The following CSMD3 variants were observed in gnomAD, a reference collection of about 807,000 sequenced individuals.
The protein encoded by CSMD3 is CUB and Sushi multiple domains 3.
A neutral mutation model predicts 435.2 loss-of-function variants in CSMD3; 177 were observed. The ratio of observed to expected loss-of-function variants is 0.41; its 90% CI spans 0.36 to 0.46. The LOEUF (loss-of-function observed/expected upper bound fraction) is 0.46. CSMD3 is among the 20% of genes least tolerant of loss of function. The pLI, the probability that CSMD3 is intolerant of heterozygous loss-of-function variation, is 0.34. For synonymous variants in CSMD3, 1,656 were observed against 1,520.5 expected (o/e 1.09, Z -2.07); for missense variants, 4,265 against 4,504.6 (o/e 0.95, Z 1.52).
At chr8:113,264,866 G>A (rs561891220) in intron 3 of CSMD3, among the ~76,000 whole-genome samples, 1 of 151,686 alleles carries the variant, frequency 6.6e-6, no homozygotes, top group Non-Finnish European at 1.5e-5. Flanking sequence ...TAACGTAGGA[G>A]ATGTATTAAA....
chr8:112,969,126 A>C (rs2084540049), intron 7 of CSMD3, among the ~76,000 whole-genome samples: 1 of 152,010 alleles, frequency 6.6e-6, no homozygotes, highest in Non-Finnish European at 1.5e-5. Flanking sequence ...TTCTTGAATC[A>C]AATTTGTGAC....
At chr8:112,628,386 C>CTTGGTTGGTTGG (rs143078179) in intron 22 of CSMD3, among the ~76,000 whole-genome samples, 2 of 150,450 alleles carry the variant, frequency 1.3e-5, no homozygotes, top group South Asian at 4.2e-4. Flanking sequence ...ATCTTAATTA[C>CTTGGTTGGTTGG]TTGGTTGGTT....
At chr8:113,066,170 G>A (rs748695735) in intron 5 of CSMD3, among the ~76,000 whole-genome samples, 9 of 150,212 alleles carry the variant, frequency 6.0e-5, no homozygotes, top group African/African-American at 1.5e-4. Context: ...ACAAAAAAGC[G>A]AGACAAATTG....
At chr8:113,372,864 G>A (rs2094355172) in intron 1 of CSMD3, among the ~76,000 whole-genome samples, 1 of 151,582 alleles carries the variant, frequency 6.6e-6, no homozygotes, top group African/African-American at 2.4e-5. Flanking sequence ...AACCCGGGAA[G>A]CGGAGCTTGC....
chr8:113,156,601 G>A (rs1194958150), intron 4 of CSMD3, among the ~76,000 whole-genome samples: 1 of 151,634 alleles, frequency 6.6e-6, no homozygotes, highest in Non-Finnish European at 1.5e-5. Flanking sequence ...TATTCTGAAG[G>A]ATGTTAGAGA....
intron 15 of CSMD3, among the ~76,000 whole-genome samples, chr8:112,684,301 T>C (rs1334416243): frequency 2.0e-5 from 3 of 152,052 alleles, no homozygotes; most frequent in African/African-American, 4.8e-5. Flanking sequence ...TTTAATAATA[T>C]GCAATTACAT....
chr8:112,740,520 AAAC>A, intron 13 of CSMD3, among the ~76,000 whole-genome samples: 1 of 151,984 alleles, frequency 6.6e-6, no homozygotes, highest in South Asian at 2.1e-4. Flanking sequence ...ATACACACCT[AAAC>A]AAAAACACTT....
At chr8:112,408,261 C>T in intron 34 of CSMD3, 57 bp downstream of exon 34, 1 of 990,178 alleles carries the variant, frequency 1.0e-6, no homozygotes, top group African/African-American at 4.1e-5. Flanking sequence ...ACTCTGAATA[C>T]ATCATGGGAA....
chr8:112,492,388 T>A (rs1480132853), intron 31 of CSMD3, 101 bp downstream of exon 31: 1 of 893,864 alleles, frequency 1.1e-6, no homozygotes, highest in African/African-American at 1.7e-5. Flanking sequence ...CACTTGTAGA[T>A]TGTATGTGGA....
chr8:113,258,285 G>C (rs1172200604), intron 3 of CSMD3, among the ~76,000 whole-genome samples: 1 of 152,186 alleles, frequency 6.6e-6, no homozygotes, highest in East Asian at 1.9e-4. Flanking sequence ...AGTAGAACGA[G>C]AGTATTTTCA....
intron 10 of CSMD3, among the ~76,000 whole-genome samples, chr8:112,882,773 T>C (rs2081483659): frequency 1.3e-5 from 2 of 152,026 alleles, no homozygotes; most frequent in South Asian, 4.1e-4. Context: ...AATCCATCCT[T>C]TATCTGCCAC....
At chr8:113,033,729 A>G (rs553582963) in intron 5 of CSMD3, among the ~76,000 whole-genome samples, 1 of 151,472 alleles carries the variant, frequency 6.6e-6, no homozygotes, top group Non-Finnish European at 1.5e-5. Flanking sequence ...GGAAGGCATT[A>G]TTGGTTTTGA....
chr8:112,506,372 T>C (rs185110389), intron 29 of CSMD3, among the ~76,000 whole-genome samples: 12 of 152,202 alleles, frequency 7.9e-5, no homozygotes, highest in Admixed American at 5.2e-4. Context: ...ATAATAAAGA[T>C]TGGGGACTTT....
rs2130916467 is a variant in CSMD3, at chr8:112,503,947, G to C, written c.4926C>G (p.Leu1642=). Residue 1642 remains leucine, a synonymous_variant, in exon 30 of 71, where the codon CTC becomes CTG. Coordinates refer to ENST00000297405, the MANE Select transcript of CSMD3 (RefSeq NM_198123.2). ...SFSIEPNYDF[L]YIYDGPDSNS... is the part of the protein sequence containing the mutation. ...TACTGTCTGGTCCATCATAGATATA[G>C]AGGAAGTCATAGTTTGGTTCTATGC... 6.2e-7 allele frequency: 1 copy of C among 1,608,886 alleles called. No individual in the cohort carries two copies. The highest frequency in any genetic ancestry group is 1.3e-5 in the African/African-American group (1 of 74,600).
chr8:112,302,143 G>A (rs1280780379), intron 52 of CSMD3, among the ~76,000 whole-genome samples, 177 bp from the exon 53 acceptor site: 1 of 151,678 alleles, frequency 6.6e-6, no homozygotes, highest in African/African-American at 2.4e-5. Context: ...ATGACATAAC[G>A]TAAAATGTAC....
intron 3 of CSMD3, among the ~76,000 whole-genome samples, chr8:113,206,216 T>G (rs778421019): frequency 6.6e-6 from 1 of 152,118 alleles, no homozygotes; most frequent in Non-Finnish European, 1.5e-5. Flanking sequence ...GATTTCTTTA[T>G]AGTTATGCAG....
intron 4 of CSMD3, among the ~76,000 whole-genome samples, chr8:113,117,756 C>A (rs1463581493): frequency 6.6e-6 from 1 of 152,198 alleles, no homozygotes; most frequent in African/African-American, 2.4e-5. Flanking sequence ...ATCAGCATGA[C>A]CTAGATGTGA....
rs1026445924 is a variant in CSMD3 at position 112,670,030 on chromosome 8, C to T, written c.2678-3615G>A. Among the ~76,000 whole-genome samples the T allele has an allele frequency of 2.4e-4, 37 of 152,150 alleles. 1 individual carries two copies. Among genetic ancestry groups the T allele is most frequent in the Admixed American group, 7.9e-4 (12 of 15,262 alleles). ...GCAAAAGACAGAAACATTAACAAAA[C>T]GTAAAAATGTCAAGTTCTATAACAA... On this transcript the variant is annotated intron_variant, in intron 16 of 70. Transcript: ENST00000297405.
Position 112,587,085 on chromosome 8 carries a change from G to A in CSMD3, c.3866C>T (p.Ala1289Val). 2 of 1,610,254 alleles carry A rather than the reference G, an allele frequency of 1.2e-6. No individual in the cohort carries two copies. The highest frequency in any genetic ancestry group is 8.5e-7 in the Non-Finnish European group (1 of 1,177,446). The change falls in exon 23 of 71, where the codon GCA becomes GTA. Residue 1289 changes from alanine (A) to valine (V), a missense_variant. Ala to Val is a moderately conservative substitution (Grantham distance 64, BLOSUM62 0). Coordinates refer to ENST00000297405, the MANE Select transcript of CSMD3 (RefSeq NM_198123.2). The part of the protein sequence containing the change: ...INISARTFHL[A>V]QGDVLKIYDG... ...ACCTACCTTAAGAACATCTCCTTGTGCTAAATGAAATGTTCTGGCTGAAAT... is the reference window on the plus strand; with the variant it reads ...ACCTACCTTAAGAACATCTCCTTGTACTAAATGAAATGTTCTGGCTGAAAT...
Sources: allele counts gnomAD v4.1 joint callset (sites outside exome capture counted in the v4.1 genomes callset), GRCh38; gene constraint gnomAD v4.1.1; transcripts MANE v1.5; gene names NCBI Gene and HGNC (gene_info 2026-07-23, HGNC 2026-07-21).